The following ELAC2 variants were observed in gnomAD, a reference collection of about 807,000 sequenced individuals.
ELAC2 encodes zinc phosphodiesterase ELAC protein 2.
Under a neutral mutation model 105.2 loss-of-function variants are expected in ELAC2, and 92 were observed. The observed-to-expected ratio is 0.87, with a 90% confidence interval of 0.74 to 1.04. The LOEUF (loss-of-function observed/expected upper bound fraction) is 1.04, where lower values mean the gene tolerates loss of function less well. Ranked by LOEUF, ELAC2 falls within the 50% of genes least tolerant of loss-of-function variation. The pLI is 0.00. For synonymous variants in ELAC2, 468 were observed against 409.1 expected, an observed-to-expected ratio of 1.14 and a Z score of -1.74; for missense variants, 1,099 against 1,071.7, an observed-to-expected ratio of 1.03 and a Z score of -0.36.
intron 8 of ELAC2, among the ~76,000 whole-genome samples, chr17:13,008,437 G>A (rs1382157071): frequency 2.0e-5 from 3 of 151,982 alleles, no homozygotes; most frequent in Non-Finnish European, 2.9e-5. Context: ...GCTTGACCCT[G>A]GGAGGCAGAG....
At chr17:12,995,595 G>A (rs1035407209) in intron 19 of ELAC2, 108 bp downstream of exon 19, 17 of 1,109,436 alleles carry the variant, frequency 1.5e-5, no homozygotes, top group Non-Finnish European at 2.0e-5. Context: ...CATGTCAAGG[G>A]CAAGGCTGCT....
intron 9 of ELAC2, 41 bp downstream of exon 9, chr17:13,005,880 G>T (rs775980337): frequency 1.2e-5 from 19 of 1,613,856 alleles, no homozygotes; most frequent in Non-Finnish European, 1.6e-5. Context: ...GTGGACAGGT[G>T]TACCCAGTGA....
chr17:13,004,003 G>A (rs1158565438), intron 11 of ELAC2: 1 of 210,614 alleles, frequency 4.7e-6, no homozygotes, highest in Admixed American at 5.3e-5. Context: ...CCTTCCAGAG[G>A]ACCTGAGACA....
chr17:12,994,611 G>A lies in ELAC2; in HGVS notation c.2030-108C>T. ...CAACACTCAGCTCCCCTGGCCCTGG[G>A]TCTGCCTACTAGGATGACAACCAGA... On this transcript the variant is annotated intron_variant, in intron 21 of 23. Transcript: ENST00000338034. 5 of 1,594,094 alleles carry A rather than the reference G, an allele frequency of 3.1e-6. No individual in the cohort carries two copies. In the African/African-American group the frequency reaches 4.0e-5, roughly 13 times the overall value.
chr17:12,998,602 G>A lies in ELAC2; in HGVS notation c.1424-94C>T, dbSNP rs375136891. The A allele has an allele frequency of 3.6e-5, 44 of 1,213,190 alleles. No homozygotes were observed. The African/African-American group carries it at 5.7e-4, about 16-fold the overall frequency. 75.2% of individuals were successfully genotyped at this position (1,213,190 alleles called of 1,614,324 possible). Reference sequence around the variant, plus strand: ...AAGGTGCAATGGTTTGAGTGTCATTGGTTTGTCCCCAGACCTCATGTGGAA... The same window carrying A: ...AAGGTGCAATGGTTTGAGTGTCATTAGTTTGTCCCCAGACCTCATGTGGAA... On this transcript the variant is annotated intron_variant, in intron 15 of 23. Transcript: ENST00000338034.
At chr17:13,013,299 A>C (rs1211158584) in intron 5 of ELAC2, 24 bp from the exon 6 acceptor site, 4 of 1,601,720 alleles carry the variant, frequency 2.5e-6, no homozygotes, top group Non-Finnish European at 3.4e-6. Context: ...ACACAACAGC[A>C]AAGTGATTGC....
intron 6 of ELAC2, 139 bp from the exon 7 acceptor site, chr17:13,011,921 AG>A: frequency 1.5e-6 from 2 of 1,357,466 alleles, no homozygotes; most frequent in Non-Finnish European, 2.0e-6. Context: ...ATAACTAGTT[AG>A]TTAACTTCCT....
At chr17:12,995,472 C>A (rs2040421718) in intron 19 of ELAC2, among the ~76,000 whole-genome samples, 2 of 152,262 alleles carry the variant, frequency 1.3e-5, no homozygotes, top group African/African-American at 4.8e-5. Flanking sequence ...GCTCAGAACT[C>A]AAATGAGGAC....
At chr17:13,012,817 A>G (rs2041492282) in intron 6 of ELAC2, among the ~76,000 whole-genome samples, 2 of 151,730 alleles carry the variant, frequency 1.3e-5, no homozygotes, top group East Asian at 3.9e-4. Context: ...CCCCAACAAC[A>G]CTTCTTTTAG....
intron 17 of ELAC2, 50 bp downstream of exon 17, chr17:12,996,497 T>C (rs1266551368): frequency 1.2e-6 from 2 of 1,612,464 alleles, no homozygotes; most frequent in Admixed American, 3.3e-5. Flanking sequence ...CAACTCAACG[T>C]GGCAGTGCCT....
At position 13,013,237 on chromosome 17, in the gene ELAC2, T is replaced by A; in HGVS notation, c.529A>T (p.Thr177Ser). ...ATGGGGATCTGGTAAACTGTCATGG[T>A]TTCATCCTCGTATTCTGGGGCAGAG... The part of the protein sequence containing the change: ...PHSAPEYEDE[T>S]MTVYQIPIHS... Residue 177 changes from threonine (T) to serine (S), a missense_variant, in exon 6 of 24, where the codon ACC becomes TCC. Coordinates refer to ENST00000338034, the MANE Select transcript of ELAC2 (RefSeq NM_018127.7). The A allele has an allele frequency of 6.2e-7, 1 of 1,614,206 alleles. No homozygotes were observed. The highest frequency in any genetic ancestry group is 8.5e-7 in the Non-Finnish European group (1 of 1,180,040).
At chr17:12,998,596 G>A (rs2143580344) in intron 15 of ELAC2, 88 bp from the exon 16 acceptor site, 1 of 1,261,684 alleles carries the variant, frequency 7.9e-7, no homozygotes, top group Middle Eastern at 1.9e-4. Flanking sequence ...TGGTTTGAGT[G>A]TCATTGGTTT....
intron 16 of ELAC2, 137 bp from the exon 17 acceptor site, chr17:12,996,822 TATA>T: frequency 8.5e-7 from 1 of 1,181,972 alleles, no homozygotes; most frequent in Non-Finnish European, 1.2e-6. Context: ...GAGGAGCTAA[TATA>T]AAAGCCAATT....
chr17:12,991,980 A>ACCTT lies in ELAC2; in HGVS notation c.*834_*837dup, dbSNP rs377589497. On this transcript the variant is annotated 3_prime_UTR_variant, in exon 24 of 24. Transcript: ENST00000338034. Reference sequence around the variant, plus strand: ...CCAGCCCCGTGTGCCATTTCTCAAAACCTTCGAGGGCAAAGTGATCCTCAC... The same window carrying ACCTT: ...CCAGCCCCGTGTGCCATTTCTCAAAACCTTCCTTCGAGGGCAAAGTGATCCTCAC... Among the ~76,000 whole-genome samples the ACCTT allele has an allele frequency of 5.3e-5, 8 of 152,194 alleles. No individual in the cohort carries two copies. The highest frequency in any genetic ancestry group is 4.1e-4 in the South Asian group (2 of 4,826).
chr17:12,995,200 G>A (rs566410184), intron 19 of ELAC2, 138 bp from the exon 20 acceptor site: 21 of 944,230 alleles, frequency 2.2e-5, no homozygotes. Flanking sequence ...CTATGATGAG[G>A]AAACAGCAGT....
Position 12,996,727 on chromosome 17 carries a change from A to G in ELAC2, c.1521-42T>C, listed in dbSNP as rs533795056. On this transcript the variant is annotated intron_variant, in intron 16 of 23. Transcript: ENST00000338034. Reference sequence around the variant, plus strand: ...GAAGAGAGTCACTGCCACTAGGAAGACTGCTGATGGTTCAGAGGCTGATGT... The same window carrying G: ...GAAGAGAGTCACTGCCACTAGGAAGGCTGCTGATGGTTCAGAGGCTGATGT... The G allele has an allele frequency of 7.5e-6, 12 of 1,605,428 alleles. No individual in the cohort carries two copies. The South Asian group carries it at 1.3e-4, about 18-fold the overall frequency.
rs1202967975 is a variant in ELAC2 at position 13,011,688 on chromosome 17, A to C, written c.654T>G (p.Asn218Lys). 6.2e-7 allele frequency: 1 copy of C among 1,614,030 alleles called. No individual in the cohort carries two copies. The highest frequency in any genetic ancestry group is 1.3e-5 in the African/African-American group (1 of 74,908). The change falls in exon 7 of 24, where the codon AAT becomes AAG. Residue 218 changes from asparagine to lysine, a missense_variant. By Grantham distance (94) the Asn-to-Lys change is moderately conservative. Transcript: ENST00000338034. ...CATGTGGAAGGTGTGGCTCATTTTC[A>C]TTCGACTCGGAGTCTGAAGATCGCT... ...SPERSSDSES[N>K]ENEPHLPHGV...
intron 14 of ELAC2, chr17:13,000,635 C>T: frequency 8.6e-6 from 3 of 347,276 alleles, no homozygotes; most frequent in South Asian, 7.1e-5. Flanking sequence ...GCCAAATGTC[C>T]TCTGAGGGGT....
Position 12,996,551 on chromosome 17 carries a change from T to C in ELAC2, c.1655A>G (p.His552Arg). The C allele has an allele frequency of 6.2e-7, 1 of 1,613,914 alleles. No homozygotes were observed. The highest frequency in any genetic ancestry group is 8.5e-7 in the Non-Finnish European group (1 of 1,180,028). ...GTGGTCCAGCCCAACACTCACCGTG[T>C]GGTGATCTGCGTGCAGGTGGGACAC... Reference protein sequence around the residue: ...VFVSHLHADHHTGLPSILLQR... With the variant: ...VFVSHLHADHRTGLPSILLQR... The change falls in exon 17 of 24, where the codon CAC becomes CGC. Residue 552 changes from histidine to arginine, a missense_variant. By Grantham distance (29) the His-to-Arg change is conservative. Coordinates refer to ENST00000338034, the MANE Select transcript of ELAC2 (RefSeq NM_018127.7).
Sources: gnomAD v4.1 joint callset for allele counts (sites outside exome capture counted in the v4.1 genomes callset) on GRCh38, gnomAD v4.1.1 for gene constraint, MANE v1.5 for transcripts, NCBI Gene and HGNC (gene_info 2026-07-23, HGNC 2026-07-21) for gene names.